ART4: variants seen among roughly 807,000 people sequenced by gnomAD.
ART4 encodes the protein ecto-ADP-ribosyltransferase 4.
Under a neutral mutation model 24.2 loss-of-function variants are expected in ART4, and 14 were observed. The ratio of observed to expected loss-of-function variants is 0.58; its 90% CI spans 0.38 to 0.90. The LOEUF (loss-of-function observed/expected upper bound fraction) is 0.90. ART4 is among the 40% of genes least tolerant of loss of function. The pLI, the probability that ART4 is intolerant of heterozygous loss-of-function variation, is 0.00. For synonymous variants in ART4, 145 were observed against 139.9 expected, an observed-to-expected ratio of 1.04 and a Z score of -0.26; for missense variants, 356 against 366.6, an observed-to-expected ratio of 0.97 and a Z score of 0.24.
At chr12:14,831,957 C>G (rs1307687377) in intron 2 of ART4, among the ~76,000 whole-genome samples, 2 of 152,096 alleles carry the variant, frequency 1.3e-5, no homozygotes, top group Non-Finnish European at 2.9e-5. Flanking sequence ...CTTTTCACTT[C>G]CAGTGTGTCA....
At chr12:14,829,491 TTAGG>T (rs1164221644) in intron 2 of ART4, 29 bp from the exon 3 acceptor site, 1 of 1,554,068 alleles carries the variant, frequency 6.4e-7, no homozygotes, top group Admixed American at 1.8e-5. Flanking sequence ...AGGAAATATT[TTAGG>T]TAGCAGAGTT....
chr12:14,841,266 G>A, intron 1 of ART4, 113 bp from the exon 2 acceptor site: 1 of 906,850 alleles, frequency 1.1e-6, no homozygotes, highest in Non-Finnish European at 1.7e-6. Flanking sequence ...AATATTTACT[G>A]AAGTAAGTTA....
intron 2 of ART4, among the ~76,000 whole-genome samples, chr12:14,830,801 T>A (rs559320206): frequency 6.2e-4 from 93 of 149,196 alleles, no homozygotes; most frequent in Admixed American, 1.7e-3. Flanking sequence ...CCAATAAGAG[T>A]TGGCAAGGAA....
chr12:14,830,312 A>G (rs1272064178), intron 2 of ART4, among the ~76,000 whole-genome samples: 1 of 151,882 alleles, frequency 6.6e-6, no homozygotes, highest in East Asian at 1.9e-4. Context: ...TGGGAGATGG[A>G]AACCCTGTAA....
rs749607689 is a variant in ART4 at position 14,829,389 on chromosome 12, A to C, written c.927T>G (p.Phe309Leu). 1 of 1,596,348 alleles carries C rather than the reference A, an allele frequency of 6.3e-7. No homozygotes were observed. The highest frequency in any genetic ancestry group is 1.3e-5 in the African/African-American group (1 of 74,368). The change falls in exon 3 of 3, where the codon TTT (phenylalanine) becomes TTG (leucine). Residue 309 changes from phenylalanine (F) to leucine (L), a missense_variant. By Grantham distance (22) the Phe-to-Leu change is conservative (BLOSUM62 0). Coordinates refer to ENST00000228936, the MANE Select transcript of ART4 (RefSeq NM_021071.4). The part of the protein sequence containing the change: ...SLSFLTSVII[F>L]SKSRV The stretch of plus-strand genomic sequence containing the variant: ...GATTTCTTTATACTCTGCTTTTGGA[A>C]AAGATGATGACACTGGTCAAAAAGG...
chr12:14,840,188 C>G (rs1330818173), intron 2 of ART4, among the ~76,000 whole-genome samples: 3 of 152,160 alleles, frequency 2.0e-5, no homozygotes, highest in Non-Finnish European at 4.4e-5. Flanking sequence ...ACCTTCCAGT[C>G]AAGCTTTACT....
intron 2 of ART4, among the ~76,000 whole-genome samples, chr12:14,834,430 C>T (rs1262545765): frequency 6.6e-6 from 1 of 152,148 alleles, no homozygotes; most frequent in Non-Finnish European, 1.5e-5. Context: ...TTGTCAGATA[C>T]TATTCTAAGA....
intron 2 of ART4, among the ~76,000 whole-genome samples, chr12:14,833,425 A>C (rs1950409370): frequency 6.6e-6 from 1 of 152,140 alleles, no homozygotes; most frequent in Non-Finnish European, 1.5e-5. Flanking sequence ...AACATGGGGA[A>C]GGATCCTATT....
At chr12:14,835,059 T>G (rs1463183696) in intron 2 of ART4, among the ~76,000 whole-genome samples, 1 of 152,162 alleles carries the variant, frequency 6.6e-6, no homozygotes, top group Non-Finnish European at 1.5e-5. Flanking sequence ...ATTTTAAAGG[T>G]CTTCAAGTGG....
rs1410797037 is a variant in ART4 at position 14,843,451 on chromosome 12, A to C, written c.-338T>G. 1 of 184,952 alleles carries C rather than the reference A, an allele frequency of 5.4e-6. No individual in the cohort carries two copies. Among genetic ancestry groups the C allele is most frequent in the African/African-American group, 2.4e-5 (1 of 42,288 alleles). The allele number at this position is 184,952 out of a possible 1,614,324, so 11.5% of individuals were successfully genotyped here. A position where few individuals can be genotyped will look rare whatever the true frequency, so the allele number is the denominator to read the frequency against. On this transcript the variant is annotated 5_prime_UTR_variant, in exon 1 of 3. Coordinates refer to ENST00000228936, the MANE Select transcript of ART4 (RefSeq NM_021071.4). Reference sequence around the variant, plus strand: ...ATGCCGAAGTCCTGTTAAGTGTCAGACTCAGCAGTTCAGCCTTCCCTTTCC... The same window carrying C: ...ATGCCGAAGTCCTGTTAAGTGTCAGCCTCAGCAGTTCAGCCTTCCCTTTCC...
At chr12:14,829,856 A>G (rs1950382311) in intron 2 of ART4, among the ~76,000 whole-genome samples, 2 of 152,208 alleles carry the variant, frequency 1.3e-5, no homozygotes. Flanking sequence ...CTTGCTATAT[A>G]TTAACTTAAG....
At position 14,829,469 on chromosome 12, in the gene ART4, A is replaced by G; in HGVS notation, c.854-7T>C. 6.3e-7 allele frequency: 1 copy of G among 1,597,720 alleles called. No homozygotes were observed. On this transcript the variant is annotated splice_polypyrimidine_tract_variant and splice_region_variant and intron_variant, in intron 2 of 2. Transcript: ENST00000228936. ...ATGCATTTCTTGCTGGAAGCTGTAA[A>G]AAACAAAACAAAGGAAATATTTTAG...
rs751706158 is a variant in ART4, at chr12:14,829,363, A to G, written c.*8T>C. 1 of 1,524,228 alleles carries G rather than the reference A, an allele frequency of 6.6e-7. No individual in the cohort carries two copies. The highest frequency in any genetic ancestry group is 1.4e-5 in the South Asian group (1 of 73,236). 94.4% of individuals were successfully genotyped at this position (1,524,228 alleles called of 1,614,324 possible). ...TTTTTTTTAAATAAAAGGAGCCACA[A>G]GATTTCTTTATACTCTGCTTTTGGA... On this transcript the variant is annotated 3_prime_UTR_variant, in exon 3 of 3. Coordinates refer to ENST00000228936, the MANE Select transcript of ART4 (RefSeq NM_021071.4).
At position 14,829,313 on chromosome 12, in the gene ART4, C is replaced by T; in HGVS notation, c.*58G>A. On this transcript the variant is annotated 3_prime_UTR_variant, in exon 3 of 3. Transcript: ENST00000228936. ...AAATGTCCATTTCTAGCCAAAAGGC[C>T]AATAAAAAAGATTTTATTTAAATAT... The T allele has an allele frequency of 8.4e-7, 1 of 1,191,712 alleles. No homozygotes were observed. The highest frequency in any genetic ancestry group is 1.2e-6 in the Non-Finnish European group (1 of 867,096). 73.8% of individuals were successfully genotyped at this position (1,191,712 alleles called of 1,614,324 possible).
At chr12:14,839,360 T>C (rs1487464752) in intron 2 of ART4, among the ~76,000 whole-genome samples, 2 of 152,274 alleles carry the variant, frequency 1.3e-5, no homozygotes, top group Admixed American at 6.5e-5. Flanking sequence ...GATTAACATA[T>C]GCTGTGTCTT....
intron 2 of ART4, among the ~76,000 whole-genome samples, chr12:14,837,240 T>C (rs750710802): frequency 6.6e-6 from 1 of 152,228 alleles, no homozygotes; most frequent in Non-Finnish European, 1.5e-5. Flanking sequence ...GTGACCATGT[T>C]GATCATTTAC....
rs1863076295 is a variant in ART4 at position 14,842,965 on chromosome 12, C to A, written c.144+5G>T. On this transcript the variant is annotated splice_donor_5th_base_variant and intron_variant, in intron 1 of 2. Transcript: ENST00000228936. Reference sequence around the variant, plus strand: ...AAGAGATCACCCCCTCAATTGTCCCCCTACCTCAGAACCCTCTGTGGGTCT... The same window carrying A: ...AAGAGATCACCCCCTCAATTGTCCCACTACCTCAGAACCCTCTGTGGGTCT... The A allele has an allele frequency of 1.2e-6, 2 of 1,609,560 alleles. No individual in the cohort carries two copies. The highest frequency in any genetic ancestry group is 1.7e-6 in the Non-Finnish European group (2 of 1,178,028).
rs1863080107 is a variant in ART4 at position 14,843,128 on chromosome 12, A to AT, written c.-16_-15insA. 1.9e-6 allele frequency: 3 copies of AT among 1,613,698 alleles called. No homozygotes were observed. Among genetic ancestry groups the AT allele is most frequent in the African/African-American group, 2.7e-5 (2 of 74,928 alleles). On this transcript the variant is annotated 5_prime_UTR_variant, in exon 1 of 3. The change creates a premature stop within an existing upstream ORF in the 5' untranslated region. Coordinates refer to ENST00000228936, the MANE Select transcript of ART4 (RefSeq NM_021071.4). The stretch of plus-strand genomic sequence containing the variant: ...AATGGACCCATTTGCTTGTGTCACA[A>AT]GTACTTCTCCTTTGCCCTTGCAGCT...
At chr12:14,841,254 C>A in intron 1 of ART4, 101 bp from the exon 2 acceptor site, 1 of 1,039,738 alleles carries the variant, frequency 9.6e-7, no homozygotes, top group East Asian at 2.5e-5. Context: ...CTCCTGGAAA[C>A]CAATATTTAC....
Sources: allele counts gnomAD v4.1 joint callset (sites outside exome capture counted in the v4.1 genomes callset), GRCh38; gene constraint gnomAD v4.1.1; transcripts MANE v1.5; gene names NCBI Gene and HGNC (gene_info 2026-07-23, HGNC 2026-07-21).